Variants in PKHD1 observed in about 807,000 individuals in gnomAD.
The protein encoded by PKHD1 is PKHD1 ciliary IPT domain containing fibrocystin/polyductin.
Under a neutral mutation model 412.0 loss-of-function variants are expected in PKHD1, and 291 were observed. That is an observed-to-expected ratio of 0.71 (90% confidence interval 0.64 to 0.78). The LOEUF is 0.78. Ranked by LOEUF, PKHD1 falls within the 30% of genes least tolerant of loss-of-function variation. PKHD1 has a pLI of 0.00. For missense variants in PKHD1, 4,825 were observed against 4,950.7 expected (o/e 0.97, Z 0.76); for synonymous variants, 1,777 against 1,821.5 (o/e 0.98, Z 0.62).
intron 36 of PKHD1, among the ~76,000 whole-genome samples, chr6:51,953,628 A>G (rs1050039004): frequency 6.6e-6 from 1 of 152,032 alleles, no homozygotes; most frequent in Non-Finnish European, 1.5e-5. Context: ...TTCATCATTT[A>G]ATACCTCACT....
intron 60 of PKHD1, among the ~76,000 whole-genome samples, chr6:51,739,069 A>G (rs1784221168): frequency 6.8e-6 from 1 of 147,406 alleles, no homozygotes; most frequent in Admixed American, 6.8e-5. Context: ...TACGTATTTT[A>G]TATATTTTTT....
At chr6:51,767,302 G>A (rs41410447) in intron 55 of PKHD1, among the ~76,000 whole-genome samples, 28,015 of 150,852 alleles carry the variant, frequency 0.19, 3,392 homozygotes, top group African/African-American at 0.35. Flanking sequence ...ATCATATTTT[G>A]GTGTCCCTCA....
At chr6:51,913,628 C>G (rs1405407507) in intron 37 of PKHD1, among the ~76,000 whole-genome samples, 1 of 152,088 alleles carries the variant, frequency 6.6e-6, no homozygotes, top group Non-Finnish European at 1.5e-5. Context: ...AGTTACTGTC[C>G]TCCCTTGTTG....
At chr6:51,639,103 G>A (rs1422265608) in intron 63 of PKHD1, 147 bp from the exon 64 acceptor site, 4 of 712,172 alleles carry the variant, frequency 5.6e-6, no homozygotes, top group Non-Finnish European at 1.0e-5. Flanking sequence ...GTTCTTCTTA[G>A]TCAAGACTTA....
Position 51,885,716 on chromosome 6 carries a change from T to A in PKHD1, c.7215+151A>T, listed in dbSNP as rs115275781. The A allele has an allele frequency of 1.2e-3, 822 of 694,072 alleles. 7 individuals are homozygous for A. Among genetic ancestry groups the A allele is most frequent in the African/African-American group, 8.4e-3 (476 of 56,494 alleles). 43.0% of individuals were successfully genotyped at this position (694,072 alleles called of 1,614,324 possible). On this transcript the variant is annotated intron_variant, in intron 45 of 66. Coordinates refer to ENST00000371117, the MANE Select transcript of PKHD1 (RefSeq NM_138694.4). ...TCTACAAGCACCTATGATCCATTGGTGCTTTAAAATTGTGACAGCACAGCA... is the reference window on the plus strand; with the variant it reads ...TCTACAAGCACCTATGATCCATTGGAGCTTTAAAATTGTGACAGCACAGCA...
At chr6:51,841,277 G>C (rs1770137185) in intron 50 of PKHD1, among the ~76,000 whole-genome samples, 1 of 152,224 alleles carries the variant, frequency 6.6e-6, no homozygotes, top group African/African-American at 2.4e-5. Flanking sequence ...CCTATGACCT[G>C]TGTGAATTAA....
chr6:51,634,868 G>T (rs1768335209), intron 64 of PKHD1, among the ~76,000 whole-genome samples: 1 of 152,104 alleles, frequency 6.6e-6, no homozygotes, highest in African/African-American at 2.4e-5. Flanking sequence ...CAGGCAAAAG[G>T]CCCTTGAGAA....
intron 60 of PKHD1, among the ~76,000 whole-genome samples, chr6:51,717,520 T>A (rs549197815): frequency 3.3e-5 from 5 of 152,188 alleles, no homozygotes; most frequent in Non-Finnish European, 5.9e-5. Flanking sequence ...TAAACAAATA[T>A]CATTGTGTTA....
chr6:52,006,578 T>C (rs1029317368), intron 35 of PKHD1, among the ~76,000 whole-genome samples: 2 of 152,094 alleles, frequency 1.3e-5, no homozygotes, highest in African/African-American at 2.4e-5. Flanking sequence ...GGTTTCACCA[T>C]GTTGGCCAGG....
At position 51,885,909 on chromosome 6, in the gene PKHD1, C is replaced by T. The variant is rs765985090; in HGVS notation, c.7173G>A (p.Leu2391=). The T allele has an allele frequency of 1.2e-6, 2 of 1,613,478 alleles. No homozygotes were observed. Among genetic ancestry groups the T allele is most frequent in the Admixed American group, 3.3e-5 (2 of 59,962 alleles). The part of the protein sequence containing the change: ...PPWDNVTGTT[L]FQSFTVWESA... ...TTTCCCAAACTGTGAAGCTCTGGAA[C>T]AGAGTGGTGCCAGTGACATTATCCC... Residue 2391 remains leucine, a synonymous_variant, in exon 45 of 67, where the codon CTG becomes CTA. Coordinates refer to ENST00000371117, the MANE Select transcript of PKHD1 (RefSeq NM_138694.4).
intron 60 of PKHD1, chr6:51,682,104 G>A: frequency 2.5e-6 from 1 of 396,628 alleles, no homozygotes. Flanking sequence ...GGTAGACTAG[G>A]TTAGGATGTC....
intron 19 of PKHD1, among the ~76,000 whole-genome samples, chr6:52,055,232 T>G (rs148456298): frequency 5.9e-5 from 9 of 152,210 alleles, no homozygotes; most frequent in Admixed American, 3.9e-4. Flanking sequence ...GAAGGCATAC[T>G]GTACTTAAGA....
intron 57 of PKHD1, among the ~76,000 whole-genome samples, chr6:51,751,789 T>C (rs980002095): frequency 6.6e-6 from 1 of 152,158 alleles, no homozygotes; most frequent in African/African-American, 2.4e-5. Flanking sequence ...AAATAGGCAA[T>C]TGTACTATAG....
Position 51,830,658 on chromosome 6 carries a change from T to C in PKHD1, c.8302+203A>G, listed in dbSNP as rs1159912939. 2.0e-5 allele frequency among the ~76,000 whole-genome samples: 3 copies of C among 152,308 alleles called. No homozygotes were observed. In the East Asian group the frequency reaches 5.8e-4, roughly 29 times the overall value. ...ACTTATTCCACTTTTAATGAAGATA[T>C]GCTAGGTTAATTTTGGGGGGATTTC... On this transcript the variant is annotated intron_variant, in intron 52 of 66. Coordinates refer to ENST00000371117, the MANE Select transcript of PKHD1 (RefSeq NM_138694.4).
At position 51,977,634 on chromosome 6, in the gene PKHD1, G is replaced by A. The variant is rs147082850; in HGVS notation, c.5752-17608C>T. On this transcript the variant is annotated intron_variant, in intron 35 of 66. Transcript: ENST00000371117. Reference sequence around the variant, plus strand: ...TAGTCCTTACCCCACACTGCCTTACGAAGTTTAGTATATTGTAGTATTTTC... The same window carrying A: ...TAGTCCTTACCCCACACTGCCTTACAAAGTTTAGTATATTGTAGTATTTTC... 7.3e-3 allele frequency among the ~76,000 whole-genome samples: 1,105 copies of A among 152,280 alleles called. 5 individuals carry two copies. Among genetic ancestry groups the A allele is most frequent in the Non-Finnish European group, 0.01 (690 of 68,028 alleles).
intron 55 of PKHD1, among the ~76,000 whole-genome samples, chr6:51,758,132 A>T (rs921603346): frequency 6.6e-6 from 1 of 152,172 alleles, no homozygotes; most frequent in Non-Finnish European, 1.5e-5. Context: ...TAAAATTATT[A>T]GTTCAAACTT....
At chr6:51,700,547 A>C (rs902703750) in intron 60 of PKHD1, among the ~76,000 whole-genome samples, 2 of 152,078 alleles carry the variant, frequency 1.3e-5, no homozygotes, top group African/African-American at 2.4e-5. Context: ...AGTGGAAGAC[A>C]ATAGCACCCC....
At chr6:51,799,145 G>A (rs1292950066) in intron 52 of PKHD1, among the ~76,000 whole-genome samples, 1 of 141,026 alleles carries the variant, frequency 7.1e-6, no homozygotes, top group Admixed American at 7.5e-5. Flanking sequence ...CATAATAGAT[G>A]GTCAAAATTA....
intron 52 of PKHD1, among the ~76,000 whole-genome samples, chr6:51,822,855 G>A (rs929601719): frequency 6.6e-5 from 10 of 151,746 alleles, no homozygotes; most frequent in Non-Finnish European, 1.2e-4. Flanking sequence ...TTTTACAATC[G>A]ATAAATTGTT....
Sources: gnomAD v4.1 joint callset for allele counts (sites outside exome capture counted in the v4.1 genomes callset) on GRCh38, gnomAD v4.1.1 for gene constraint, MANE v1.5 for transcripts, NCBI Gene and HGNC (gene_info 2026-07-23, HGNC 2026-07-21) for gene names.